The following PPIL6 variants were observed in gnomAD, a reference collection of about 807,000 sequenced individuals.
PPIL6 encodes the protein probable inactive peptidyl-prolyl cis-trans isomerase-like 6.
In PPIL6, 39 loss-of-function variants were observed where a neutral mutation model predicts 36.8. The ratio of observed to expected loss-of-function variants is 1.06; its 90% confidence interval spans 0.82 to 1.38. The LOEUF is 1.38. Among genes scored for constraint, PPIL6 ranks in the 40% most tolerant of loss-of-function variants. PPIL6 has a pLI of 0.00. For synonymous variants in PPIL6, 123 were observed against 134.1 expected (o/e 0.92, Z 0.57); for missense variants, 368 against 379.1 (o/e 0.97, Z 0.24).
At chr6:109,414,476 GCT>G (rs1773153993) in intron 6 of PPIL6, among the ~76,000 whole-genome samples, 8 of 107,082 alleles carry the variant, frequency 7.5e-5, no homozygotes, top group African/African-American at 2.7e-4. Flanking sequence ...ATGTCTTTTA[GCT>G]TTTTTTTTTT....
intron 7 of PPIL6, among the ~76,000 whole-genome samples, chr6:109,393,151 G>A (rs931361989): frequency 6.6e-6 from 1 of 151,726 alleles, no homozygotes; most frequent in Non-Finnish European, 1.5e-5. Flanking sequence ...GCCTCCTGCC[G>A]CAGCTCTAAG....
intron 6 of PPIL6, among the ~76,000 whole-genome samples, chr6:109,407,071 GTTTC>G (rs1772826424): frequency 6.6e-6 from 1 of 152,150 alleles, no homozygotes; most frequent in Non-Finnish European, 1.5e-5. Flanking sequence ...AGAGACTCTG[GTTTC>G]TTTAAGTAAG....
At position 109,397,620 on chromosome 6, in the gene PPIL6, GC is replaced by G. The variant is rs573688991; in HGVS notation, c.824+2414del. Among the ~76,000 whole-genome samples the G allele has an allele frequency of 1.5e-3, 226 of 152,312 alleles. 1 individual carries two copies. Among genetic ancestry groups the G allele is most frequent in the African/African-American group, 5.1e-3 (211 of 41,568 alleles). ...TCTGCTTGAATGAGTTGGGAAAACA[GC>G]AGAAGTGAAGGCTGAACAAAGGATG... On this transcript the variant is annotated intron_variant, in intron 7 of 7. Coordinates refer to ENST00000521072, the MANE Select transcript of PPIL6 (RefSeq NM_173672.5).
At chr6:109,420,099 C>T (rs921827593) in intron 5 of PPIL6, among the ~76,000 whole-genome samples, 12 of 151,674 alleles carry the variant, frequency 7.9e-5, no homozygotes, top group Admixed American at 2.0e-4. Flanking sequence ...TTTGGGAGGC[C>T]GAAGCAGGCA....
intron 6 of PPIL6, among the ~76,000 whole-genome samples, chr6:109,417,749 T>G (rs139509093): frequency 6.6e-6 from 1 of 152,328 alleles, no homozygotes; most frequent in East Asian, 1.9e-4. Flanking sequence ...TAAAGGCCAT[T>G]GCGACCTTAT....
chr6:109,437,547 T>TC (rs1358510544), intron 1 of PPIL6, among the ~76,000 whole-genome samples: 1 of 138,684 alleles, frequency 7.2e-6, no homozygotes, highest in African/African-American at 2.9e-5. Context: ...CTATTTCTTT[T>TC]CTTTTTTTTT....
chr6:109,411,612 T>C (rs1380531719), intron 6 of PPIL6, among the ~76,000 whole-genome samples: 1 of 152,246 alleles, frequency 6.6e-6, no homozygotes, highest in African/African-American at 2.4e-5. Flanking sequence ...TTACCTCTCA[T>C]AGAACCTTGG....
intron 3 of PPIL6, among the ~76,000 whole-genome samples, chr6:109,429,861 G>A (rs181144097): frequency 3.3e-5 from 5 of 152,158 alleles, no homozygotes; most frequent in East Asian, 1.9e-4. Context: ...ACACCTTTTC[G>A]CCTTCGATCA....
chr6:109,440,443 T>C lies in PPIL6; in HGVS notation c.135+13A>G. On this transcript the variant is annotated intron_variant, in intron 1 of 7. Transcript: ENST00000521072. ...GGGAGGGCCGCCCACGACGGAGGTTTCTCTGTGGTTACCTCAGCGGCGCTC... is the reference window on the plus strand; with the variant it reads ...GGGAGGGCCGCCCACGACGGAGGTTCCTCTGTGGTTACCTCAGCGGCGCTC... 1.3e-6 allele frequency: 2 copies of C among 1,539,820 alleles called. No individual in the cohort carries two copies. The highest frequency in any genetic ancestry group is 2.0e-5 in the Admixed American group (1 of 50,670).
chr6:109,414,477 C>CTT (rs146541023), intron 6 of PPIL6, among the ~76,000 whole-genome samples: 1,354 of 86,512 alleles, frequency 0.016, no homozygotes, highest in Middle Eastern at 0.026. Flanking sequence ...TGTCTTTTAG[C>CTT]TTTTTTTTTT....
intron 7 of PPIL6, 136 bp from the exon 8 acceptor site, chr6:109,393,073 C>T: frequency 1.7e-6 from 1 of 602,714 alleles, no homozygotes; most frequent in Non-Finnish European, 2.9e-6. Flanking sequence ...CTCTAAGTAT[C>T]CTAAACCTCT....
chr6:109,423,322 G>A (rs929407669), intron 5 of PPIL6, among the ~76,000 whole-genome samples: 1 of 152,058 alleles, frequency 6.6e-6, no homozygotes, highest in African/African-American at 2.4e-5. Context: ...AGCTGAGATG[G>A]TGCCACGTAA....
chr6:109,390,252 C>T lies in PPIL6; in HGVS notation c.*2574G>A, dbSNP rs929424385. Reference sequence around the variant, plus strand: ...ATTAGTAATTTATTATTAAATTTATCGAGTGCTTACAGCAGACCAGGTCTC... The same window carrying T: ...ATTAGTAATTTATTATTAAATTTATTGAGTGCTTACAGCAGACCAGGTCTC... On this transcript the variant is annotated 3_prime_UTR_variant, in exon 8 of 8. Transcript: ENST00000521072. The T allele has an allele frequency of 1.7e-4, 26 of 152,198 alleles. No individual in the cohort carries two copies. Among genetic ancestry groups the T allele is most frequent in the Admixed American group, 1.4e-3 (22 of 15,284 alleles). The allele number at this position is 152,198 out of a possible 1,614,324, so 9.4% of individuals were successfully genotyped here.
At chr6:109,394,367 T>G (rs1036840757) in intron 7 of PPIL6, among the ~76,000 whole-genome samples, 9 of 110,032 alleles carry the variant, frequency 8.2e-5, no homozygotes, top group African/African-American at 3.5e-4. Flanking sequence ...GCGAGACTTA[T>G]CTCAAAAAAA....
At chr6:109,436,556 A>G (rs1054102206) in intron 1 of PPIL6, among the ~76,000 whole-genome samples, 1 of 152,106 alleles carries the variant, frequency 6.6e-6, no homozygotes, top group Non-Finnish European at 1.5e-5. Context: ...TGTCTCTACT[A>G]AAAATACAAA....
In PPIL6 at chr6:109,392,805, CAGAAA is replaced by C; in HGVS notation, c.*16_*20del. ...TCAGATACAAAGTAATAAATTATCA[CAGAAA>C]ATATTGATATGAAAATCAAGCATAA... is the stretch of plus-strand genomic sequence containing the variant. On this transcript the variant is annotated 3_prime_UTR_variant, in exon 8 of 8. Coordinates refer to ENST00000521072, the MANE Select transcript of PPIL6 (RefSeq NM_173672.5). 7.9e-7 allele frequency: 1 copy of C among 1,264,676 alleles called. No homozygotes were observed. The highest frequency in any genetic ancestry group is 1.1e-6 in the Non-Finnish European group (1 of 884,588). The allele number at this position is 1,264,676 out of a possible 1,614,324, so 78.3% of individuals were successfully genotyped here. A position where few individuals can be genotyped will look rare whatever the true frequency, so the allele number is the denominator to read the frequency against.
chr6:109,396,240 C>T (rs1772301853), intron 7 of PPIL6, among the ~76,000 whole-genome samples: 1 of 152,178 alleles, frequency 6.6e-6, no homozygotes, highest in African/African-American at 2.4e-5. Context: ...ACTTCCTTTT[C>T]ATTCTTTGCC....
upstream of PPIL6, chr6:109,440,879 C>T: frequency 3.7e-6 from 2 of 543,190 alleles, no homozygotes; most frequent in Middle Eastern, 5.0e-4. Context: ...CCTGGGCGCC[C>T]GGATTTCGGC....
rs560471466 is a variant in PPIL6 at position 109,404,148 on chromosome 6, C to T, written c.689-3978G>A. 1.1e-3 allele frequency among the ~76,000 whole-genome samples: 175 copies of T among 152,308 alleles called. 1 individual carries two copies. The highest frequency in any genetic ancestry group is 3.4e-3 in the Middle Eastern group (1 of 294). Reference sequence around the variant, plus strand: ...GACAGCAAAGATTCTATCTGGAGAGCAGATACTACAACAGTCTAAGGATGG... The same window carrying T: ...GACAGCAAAGATTCTATCTGGAGAGTAGATACTACAACAGTCTAAGGATGG... On this transcript the variant is annotated intron_variant, in intron 6 of 7. Transcript: ENST00000521072.
Sources: gnomAD v4.1 joint callset for allele counts (sites outside exome capture counted in the v4.1 genomes callset) on GRCh38, gnomAD v4.1.1 for gene constraint, MANE v1.5 for transcripts, NCBI Gene and HGNC (gene_info 2026-07-23, HGNC 2026-07-21) for gene names.